Variants in DAAM1 observed in about 807,000 individuals in gnomAD.
The protein encoded by DAAM1 is dishevelled associated activator of morphogenesis 1.
DAAM1 carries 52 observed loss-of-function variants against 130.0 expected under a neutral mutation model. That is an observed-to-expected ratio of 0.40 (90% CI 0.32 to 0.50). The LOEUF is 0.50. Ranked by LOEUF, DAAM1 falls within the 20% of genes least tolerant of loss-of-function variation. DAAM1 has a pLI of 0.61. For missense variants in DAAM1, 1,134 were observed against 1,303.8 expected (o/e 0.87, Z 2.01); for synonymous variants, 452 against 444.5 (o/e 1.02, Z -0.21).
chr14:59,361,531 A>G (rs2139684436), intron 22 of DAAM1, among the ~76,000 whole-genome samples: 1 of 152,348 alleles, frequency 6.6e-6, no homozygotes, highest in East Asian at 1.9e-4. Context: ...CTATGGCTTA[A>G]GAGGGTAGGG....
At chr14:59,217,816 A>AC (rs943654984) in intron 1 of DAAM1, among the ~76,000 whole-genome samples, 2 of 151,980 alleles carry the variant, frequency 1.3e-5, no homozygotes, top group Non-Finnish European at 1.5e-5. Context: ...ACTAAAAAAA[A>AC]CCCAAAAAAC....
chr14:59,248,956 T>G lies in DAAM1; in HGVS notation c.-37-14485T>G, dbSNP rs552384787. 3.9e-5 allele frequency among the ~76,000 whole-genome samples: 6 copies of G among 152,190 alleles called. No individual in the cohort carries two copies. The East Asian group carries it at 7.7e-4, about 20-fold the overall frequency. ...GCGCCCACCACCACGCCCGGCTAATTTTTTGTATTTTTGGTAGAGACGGGG... is the reference window on the plus strand; with the variant it reads ...GCGCCCACCACCACGCCCGGCTAATGTTTTGTATTTTTGGTAGAGACGGGG... On this transcript the variant is annotated intron_variant, in intron 1 of 24. Coordinates refer to ENST00000360909, the MANE Select transcript of DAAM1 (RefSeq NM_001270520.2).
chr14:59,240,167 G>A lies in DAAM1; in HGVS notation c.-37-23274G>A, dbSNP rs545674940. On this transcript the variant is annotated intron_variant, in intron 1 of 24. Coordinates refer to ENST00000360909, the MANE Select transcript of DAAM1 (RefSeq NM_001270520.2). ...GAGATTGTGGCTAGAGGGGGGTATG[G>A]CTTGAGATGAGACAGGTAGGGTTTA... Among the ~76,000 whole-genome samples, 72 of 152,314 alleles carry A rather than the reference G, an allele frequency of 4.7e-4. 1 individual carries two copies. The highest frequency in any genetic ancestry group is 5.2e-4 in the Admixed American group (8 of 15,304).
Position 59,297,837 on chromosome 14 carries a change from C to T in DAAM1, c.273+6531C>T, listed in dbSNP as rs138888357. Reference sequence around the variant, plus strand: ...TAGGTATGTATGTATGGAAAAACAGCGTATATAGGGTTCAGTACTATCCAA... The same window carrying T: ...TAGGTATGTATGTATGGAAAAACAGTGTATATAGGGTTCAGTACTATCCAA... On this transcript the variant is annotated intron_variant, in intron 3 of 24. Transcript: ENST00000360909. 4.4e-3 allele frequency among the ~76,000 whole-genome samples: 677 copies of T among 152,144 alleles called. 9 individuals are homozygous for T. The highest frequency in any genetic ancestry group is 0.015 in the African/African-American group (627 of 41,512).
At chr14:59,365,253 G>A (rs191714699) in intron 23 of DAAM1, among the ~76,000 whole-genome samples, 10 of 152,216 alleles carry the variant, frequency 6.6e-5, no homozygotes, top group East Asian at 5.8e-4. Flanking sequence ...TATACATGAC[G>A]TCATGATCAC....
At chr14:59,278,831 T>C (rs545960159) in intron 2 of DAAM1, among the ~76,000 whole-genome samples, 58 of 152,340 alleles carry the variant, frequency 3.8e-4, no homozygotes, top group African/African-American at 1.2e-3. Context: ...ATTTCCCAGA[T>C]TGAGCTACTT....
At chr14:59,270,253 C>A (rs755963949) in intron 2 of DAAM1, among the ~76,000 whole-genome samples, 4 of 152,110 alleles carry the variant, frequency 2.6e-5, no homozygotes, top group Non-Finnish European at 5.9e-5. Context: ...GCTCATTGTT[C>A]TCATGGTTGG....
chr14:59,224,882 T>C (rs1456310525), intron 1 of DAAM1, among the ~76,000 whole-genome samples: 2 of 152,154 alleles, frequency 1.3e-5, no homozygotes, highest in Non-Finnish European at 2.9e-5. Context: ...CCTTCCACTG[T>C]GTGAGGGAAC....
chr14:59,354,354 C>T (rs550999103), intron 19 of DAAM1, among the ~76,000 whole-genome samples: 1 of 152,322 alleles, frequency 6.6e-6, no homozygotes, highest in East Asian at 1.9e-4. Flanking sequence ...GCCACTGCGC[C>T]TGGCCTGGTG....
intron 1 of DAAM1, among the ~76,000 whole-genome samples, chr14:59,213,175 A>T (rs528833104): frequency 1.3e-5 from 2 of 152,050 alleles, no homozygotes; most frequent in Non-Finnish European, 1.5e-5. Flanking sequence ...GGAACTTGTC[A>T]GTGGTTTTCA....
intron 5 of DAAM1, 91 bp from the exon 6 acceptor site, chr14:59,322,801 T>C: frequency 9.4e-7 from 1 of 1,067,616 alleles, no homozygotes; most frequent in Non-Finnish European, 1.4e-6. Flanking sequence ...AGGAACTAAA[T>C]CTTTCTTTCC....
intron 4 of DAAM1, among the ~76,000 whole-genome samples, chr14:59,315,826 A>G (rs1157941198): frequency 6.6e-6 from 1 of 152,198 alleles, no homozygotes; most frequent in Non-Finnish European, 1.5e-5. Flanking sequence ...CTTTACTCAT[A>G]TAATAGATCA....
intron 1 of DAAM1, among the ~76,000 whole-genome samples, chr14:59,242,532 C>G (rs568147204): frequency 6.6e-6 from 1 of 152,250 alleles, no homozygotes; most frequent in Non-Finnish European, 1.5e-5. Context: ...TTTATTTAAT[C>G]TGAACAAAAA....
chr14:59,196,915 A>G (rs1269636491), intron 1 of DAAM1, among the ~76,000 whole-genome samples: 6 of 152,042 alleles, frequency 3.9e-5, no homozygotes, highest in African/African-American at 1.4e-4. Context: ...AAGGCAACCC[A>G]TTTGGAATTC....
intron 3 of DAAM1, 42 bp downstream of exon 3, chr14:59,291,348 A>G (rs1351598408): frequency 6.8e-7 from 1 of 1,460,086 alleles, no homozygotes; most frequent in Non-Finnish European, 9.4e-7. Flanking sequence ...GAAAATAATC[A>G]TTGATTCCAT....
At chr14:59,356,161 G>A (rs1410850457) in intron 20 of DAAM1, among the ~76,000 whole-genome samples, 23 of 152,156 alleles carry the variant, frequency 1.5e-4, no homozygotes, top group African/African-American at 2.4e-5. Flanking sequence ...TGTTTCTAAG[G>A]TAAGCTTCTT....
chr14:59,198,980 C>G (rs1317574799), intron 1 of DAAM1, among the ~76,000 whole-genome samples: 1 of 152,148 alleles, frequency 6.6e-6, no homozygotes. Flanking sequence ...AAATAATGAC[C>G]TCACTTATGT....
chr14:59,334,652 C>T (rs1404351168), intron 15 of DAAM1, among the ~76,000 whole-genome samples: 1 of 152,134 alleles, frequency 6.6e-6, no homozygotes, highest in African/African-American at 2.4e-5. Flanking sequence ...TAGATGAATA[C>T]TGAGAAATGA....
chr14:59,207,951 T>G (rs1209134511), intron 1 of DAAM1, among the ~76,000 whole-genome samples: 1 of 152,180 alleles, frequency 6.6e-6, no homozygotes, highest in Non-Finnish European at 1.5e-5. Flanking sequence ...CAGAAACTTA[T>G]TTTTTGGTTA....
Sources: gnomAD v4.1 joint callset for allele counts (sites outside exome capture counted in the v4.1 genomes callset) on GRCh38, gnomAD v4.1.1 for gene constraint, MANE v1.5 for transcripts, NCBI Gene and HGNC (gene_info 2026-07-23, HGNC 2026-07-21) for gene names.